LRRC52: variants seen among roughly 807,000 people sequenced by gnomAD.
LRRC52 encodes the protein leucine-rich repeat-containing protein 52.
A neutral mutation model predicts 14.7 loss-of-function variants in LRRC52; 15 were observed. That is an observed-to-expected ratio of 1.02 (90% CI 0.68 to 1.58). The LOEUF (loss-of-function observed/expected upper bound fraction) is 1.58. LRRC52 is among the 40% of genes most tolerant of loss of function. The pLI, the probability that LRRC52 is intolerant of heterozygous loss-of-function variation, is 0.00. For missense variants in LRRC52, 400 were observed against 387.7 expected, an observed-to-expected ratio of 1.03 and a Z score of -0.27; for synonymous variants, 180 against 163.9, an observed-to-expected ratio of 1.10 and a Z score of -0.75.
chr1:165,547,789 C>T (rs1277942019), intron 1 of LRRC52, among the ~76,000 whole-genome samples: 1 of 152,196 alleles, frequency 6.6e-6, no homozygotes, highest in Non-Finnish European at 1.5e-5. Flanking sequence ...CAAGTTCACA[C>T]TCATATACAT....
At position 165,544,971 on chromosome 1, in the gene LRRC52, A is replaced by T. The variant is rs74120735; in HGVS notation, c.622+53A>T. ...AGGATGTGATTGAAGTGGCTCCAGA[A>T]AAGGTGAACTCAAAAGATGGTCAGA... On this transcript the variant is annotated intron_variant, in intron 1 of 1. Transcript: ENST00000294818. The T allele has an allele frequency of 9.3e-4, 1,474 of 1,590,118 alleles. 11 individuals are homozygous for T. The African/African-American group carries it at 0.017, about 19-fold the overall frequency.
intron 1 of LRRC52, among the ~76,000 whole-genome samples, chr1:165,554,542 G>C (rs551149763): frequency 6.6e-6 from 1 of 152,250 alleles, no homozygotes; most frequent in East Asian, 1.9e-4. Context: ...TTACCAGGCT[G>C]GGGTGATCCT....
chr1:165,554,938 T>G (rs980091516), intron 1 of LRRC52, among the ~76,000 whole-genome samples: 4 of 152,238 alleles, frequency 2.6e-5, no homozygotes, highest in African/African-American at 4.8e-5. Flanking sequence ...GCACAGGCAT[T>G]GTCATCCCTA....
At chr1:165,547,593 C>G (rs766347763) in intron 1 of LRRC52, among the ~76,000 whole-genome samples, 4 of 152,144 alleles carry the variant, frequency 2.6e-5, no homozygotes, top group Non-Finnish European at 5.9e-5. Flanking sequence ...AATATGCACA[C>G]AAACACACAT....
At position 165,544,506 on chromosome 1, in the gene LRRC52, A is replaced by G. The variant is rs749360058; in HGVS notation, c.210A>G (p.Ala70=). ...AGAACAGAATCACTAGTTTGCCAGC[A>G]ATGCATCTAGGACTCCTCAGTGACC... ...LNENRITSLP[A]MHLGLLSDLV... The change falls in exon 1 of 2, where the codon GCA becomes GCG. Residue 70 remains alanine (A), a synonymous_variant. Transcript: ENST00000294818. 9 of 1,614,158 alleles carry G rather than the reference A, an allele frequency of 5.6e-6. 1 individual carries two copies. In the South Asian group the frequency reaches 7.7e-5, roughly 14 times the overall value.
At chr1:165,549,130 A>G (rs1213127110) in intron 1 of LRRC52, among the ~76,000 whole-genome samples, 1 of 152,236 alleles carries the variant, frequency 6.6e-6, no homozygotes. Context: ...ATAAGTTAAG[A>G]ACATGGGTTT....
At chr1:165,557,024 A>G (rs1661247700) in intron 1 of LRRC52, among the ~76,000 whole-genome samples, 1 of 152,104 alleles carries the variant, frequency 6.6e-6, no homozygotes, top group African/African-American at 2.4e-5. Flanking sequence ...CCAATAATCC[A>G]CCCTTGCATT....
At chr1:165,554,550 C>T (rs1661197535) in intron 1 of LRRC52, among the ~76,000 whole-genome samples, 1 of 152,090 alleles carries the variant, frequency 6.6e-6, no homozygotes, top group Non-Finnish European at 1.5e-5. Flanking sequence ...CTGGGGTGAT[C>T]CTCAGCATCC....
chr1:165,561,479 C>T (rs1177374266), intron 1 of LRRC52, among the ~76,000 whole-genome samples: 1 of 152,194 alleles, frequency 6.6e-6, no homozygotes, highest in African/African-American at 2.4e-5. Flanking sequence ...GAGCCCCATG[C>T]CCAGGCCTCC....
At chr1:165,544,948 G>A in intron 1 of LRRC52, 30 bp downstream of exon 1, 1 of 1,603,012 alleles carries the variant, frequency 6.2e-7, no homozygotes, top group Middle Eastern at 1.7e-4. Flanking sequence ...TGGGGAAGAG[G>A]ATGTGATTGA....
intron 1 of LRRC52, among the ~76,000 whole-genome samples, chr1:165,559,345 T>C (rs1040290055): frequency 6.6e-6 from 1 of 151,858 alleles, no homozygotes; most frequent in Non-Finnish European, 1.5e-5. Context: ...GCCAAGATCA[T>C]GCCACTACAC....
intron 1 of LRRC52, among the ~76,000 whole-genome samples, chr1:165,556,362 T>C (rs1011879864): frequency 1.4e-5 from 2 of 146,608 alleles, no homozygotes; most frequent in African/African-American, 4.9e-5. Flanking sequence ...TTTTAACCTT[T>C]AAAAATCTAT....
chr1:165,544,428 A>C lies in LRRC52; in HGVS notation c.132A>C (p.Leu44Phe). ...AQEVICTGKQ[L>F]TEYPLDIPLN... ...AAGTAATCTGCACAGGGAAGCAGTT[A>C]ACCGAATACCCCCTTGACATACCCC... The change falls in exon 1 of 2, where the codon TTA becomes TTC. Residue 44 changes from leucine (L) to phenylalanine (F), a missense_variant. By Grantham distance (22) the Leu-to-Phe change is conservative. Transcript: ENST00000294818. 3 of 1,614,140 alleles carry C rather than the reference A, an allele frequency of 1.9e-6. No homozygotes were observed. Among genetic ancestry groups the C allele is most frequent in the Non-Finnish European group, 2.5e-6 (3 of 1,180,006 alleles).
rs138958290 is a variant in LRRC52, at chr1:165,562,680, C to T, written c.623-825C>T. Among the ~76,000 whole-genome samples, 336 of 152,270 alleles carry T rather than the reference C, an allele frequency of 2.2e-3. 2 individuals are homozygous for T. The highest frequency in any genetic ancestry group is 0.017 in the Middle Eastern group (5 of 294). On this transcript the variant is annotated intron_variant, in intron 1 of 1. Coordinates refer to ENST00000294818, the MANE Select transcript of LRRC52 (RefSeq NM_001005214.4). ...AAGCCTGGCCTGTCTAGCTCCAGAG[C>T]CCACTTTTCTTTCTGTTATATAGTG...
intron 1 of LRRC52, among the ~76,000 whole-genome samples, chr1:165,547,248 T>C (rs1008324390): frequency 2.0e-5 from 3 of 152,166 alleles, no homozygotes; most frequent in Non-Finnish European, 2.9e-5. Context: ...GACTATACTA[T>C]CTCGTAAATC....
At position 165,563,863 on chromosome 1, in the gene LRRC52, C is replaced by T; in HGVS notation, c.*39C>T. The stretch of plus-strand genomic sequence containing the variant: ...CTATCTTATGTGCCTCCCCCAGGCT[C>T]CCTGCTTTCTCTCTTGCCCTCCCCA... On this transcript the variant is annotated 3_prime_UTR_variant, in exon 2 of 2. Transcript: ENST00000294818. 3 of 1,585,356 alleles carry T rather than the reference C, an allele frequency of 1.9e-6. No homozygotes were observed. Among genetic ancestry groups the T allele is most frequent in the Non-Finnish European group, 2.6e-6 (3 of 1,161,902 alleles).
Position 165,544,784 on chromosome 1 carries a change from A to T in LRRC52, c.488A>T (p.Gln163Leu), listed in dbSNP as rs1196252619. 2 of 1,614,008 alleles carry T rather than the reference A, an allele frequency of 1.2e-6. No individual in the cohort carries two copies. The highest frequency in any genetic ancestry group is 1.7e-6 in the Non-Finnish European group (2 of 1,180,020). The stretch of plus-strand genomic sequence containing the variant: ...CTGGACCTCAGAAATACCGGCTTGC[A>T]GACCCTGGACAGTGCTGCCTTATAC... ...RYLDLRNTGL[Q>L]TLDSAALYHL... Residue 163 changes from glutamine (Q) to leucine (L), a missense_variant, in exon 1 of 2, where the codon CAG (glutamine) becomes CTG (leucine). By Grantham distance (113) the Gln-to-Leu change is moderately radical (BLOSUM62 -2). Transcript: ENST00000294818.
intron 1 of LRRC52, among the ~76,000 whole-genome samples, chr1:165,551,858 T>C (rs561964127): frequency 1.3e-5 from 2 of 152,016 alleles, no homozygotes; most frequent in African/African-American, 4.8e-5. Flanking sequence ...TACAAAGTCA[T>C]CCACAACTGT....
At position 165,554,268 on chromosome 1, in the gene LRRC52, C is replaced by T. The variant is rs536986536; in HGVS notation, c.623-9237C>T. ...TGAGTGTCACACGAGATGCAGAGGA[C>T]GGGTAAAGCAATGTGGGTTTGCAGA... On this transcript the variant is annotated intron_variant, in intron 1 of 1. Transcript: ENST00000294818. Among the ~76,000 whole-genome samples, 19 of 152,034 alleles carry T rather than the reference C, an allele frequency of 1.2e-4. No homozygotes were observed. In the South Asian group the frequency reaches 2.5e-3, roughly 20 times the overall value.
Sources: gnomAD v4.1 joint callset for allele counts (sites outside exome capture counted in the v4.1 genomes callset) on GRCh38, gnomAD v4.1.1 for gene constraint, MANE v1.5 for transcripts, NCBI Gene and HGNC (gene_info 2026-07-23, HGNC 2026-07-21) for gene names.